The following ANK2 variants were observed in gnomAD, a reference collection of about 807,000 sequenced individuals.
ANK2 encodes the protein ankyrin-2.
Under a neutral mutation model 360.5 loss-of-function variants are expected in ANK2, and 83 were observed. That is an observed-to-expected ratio of 0.23 (90% CI 0.19 to 0.28). ANK2 has a LOEUF of 0.28. ANK2 is among the 10% of genes least tolerant of loss of function. The probability of loss-of-function intolerance (pLI) is 1.00; values close to 1 mark genes in which losing one functional copy is unlikely to be tolerated. For missense variants in ANK2, 4,201 were observed against 4,795.7 expected (o/e 0.88, Z 3.66); for synonymous variants, 1,740 against 1,759.5 (o/e 0.99, Z 0.28).
In ANK2 at chr4:113,311,295, G is replaced by A; in HGVS notation, c.2589G>A (p.Arg863=). The change falls in exon 24 of 46, where the codon AGG becomes AGA. Residue 863 remains arginine, a synonymous_variant. Transcript: ENST00000357077. Reference sequence around the variant, plus strand: ...CTGGTGATGGGGGAGAATACCTTAGGCCTGAGGACCTAAAAGAACTGGGTG... The same window carrying A: ...CTGGTGATGGGGGAGAATACCTTAGACCTGAGGACCTAAAAGAACTGGGTG... ...TMTGDGGEYL[R]PEDLKELGDD... is the part of the protein sequence containing the mutation. The A allele has an allele frequency of 1.2e-6, 2 of 1,614,124 alleles. No homozygotes were observed. Among genetic ancestry groups the A allele is most frequent in the East Asian group, 2.2e-5 (1 of 44,874 alleles).
At position 113,292,406 on chromosome 4, in the gene ANK2, T is replaced by C. The variant is rs2068205012; in HGVS notation, c.2278-10T>C. 6.2e-7 allele frequency: 1 copy of C among 1,607,276 alleles called. No homozygotes were observed. The highest frequency in any genetic ancestry group is 8.5e-7 in the Non-Finnish European group (1 of 1,176,690). On this transcript the variant is annotated splice_polypyrimidine_tract_variant and intron_variant, in intron 20 of 45. Transcript: ENST00000357077. ...TCGGGTGCTGGGCCCGCCACCACTG[T>C]CCTCCACAGAACGGCTACACGCCTT...
chr4:112,755,371 A>C, the ANK2 span, among the ~76,000 whole-genome samples: 1 of 152,254 alleles, frequency 6.6e-6, no homozygotes, highest in Non-Finnish European at 1.5e-5. Flanking sequence ...TGAAGAGACC[A>C]CCAAACAGGC....
At chr4:113,168,787 G>A (rs1425487306) in intron 1 of ANK2, among the ~76,000 whole-genome samples, 1 of 152,236 alleles carries the variant, frequency 6.6e-6, no homozygotes, top group Non-Finnish European at 1.5e-5. Context: ...CGACAAGACA[G>A]CAATAATAAT....
chr4:112,810,033 T>A, the ANK2 span, among the ~76,000 whole-genome samples: 1 of 150,992 alleles, frequency 6.6e-6, no homozygotes, highest in Non-Finnish European at 1.5e-5. Flanking sequence ...ATATTTACTT[T>A]ATTTTTTTAA....
intron 2 of ANK2, among the ~76,000 whole-genome samples, chr4:112,943,237 T>C (rs1396743875): frequency 6.6e-6 from 1 of 152,134 alleles, no homozygotes; most frequent in Non-Finnish European, 1.5e-5. Context: ...TAGATGCTAA[T>C]GTCTCAAATG....
intron 1 of ANK2, among the ~76,000 whole-genome samples, chr4:113,081,324 A>G (rs2082321487): frequency 6.6e-6 from 1 of 152,154 alleles, no homozygotes; most frequent in Non-Finnish European, 1.5e-5. Context: ...ATCATCATTA[A>G]TTTATTCTAA....
intron 2 of ANK2, among the ~76,000 whole-genome samples, chr4:112,997,018 C>G (rs1028597252): frequency 6.6e-6 from 1 of 152,002 alleles, no homozygotes; most frequent in African/African-American, 2.4e-5. Flanking sequence ...TATATCTTCA[C>G]CAGTTAAGAT....
chr4:113,318,645 C>T, intron 26 of ANK2, 25 bp downstream of exon 26: 1 of 1,563,382 alleles, frequency 6.4e-7, no homozygotes, highest in Non-Finnish European at 8.8e-7. Flanking sequence ...ATTATGTATC[C>T]TGATCAAGAG....
intron 1 of ANK2, among the ~76,000 whole-genome samples, chr4:113,137,615 C>T (rs1165314103): frequency 6.6e-6 from 1 of 152,104 alleles, no homozygotes; most frequent in East Asian, 1.9e-4. Flanking sequence ...CATTTTAAAT[C>T]ATATTTATAT....
chr4:113,035,325 A>G (rs1417183749), intron 2 of ANK2, among the ~76,000 whole-genome samples: 1 of 151,892 alleles, frequency 6.6e-6, no homozygotes, highest in East Asian at 1.9e-4. Flanking sequence ...AAAGAGAAAG[A>G]AAGTTTAATG....
At chr4:113,179,469 G>C (rs891712158) in intron 2 of ANK2, among the ~76,000 whole-genome samples, 4 of 152,102 alleles carry the variant, frequency 2.6e-5, no homozygotes, top group Non-Finnish European at 5.9e-5. Context: ...ATACTATTTT[G>C]CTTTTAATTA....
chr4:112,926,304 C>A (rs1174748548), intron 2 of ANK2, among the ~76,000 whole-genome samples: 1 of 152,162 alleles, frequency 6.6e-6, no homozygotes, highest in Non-Finnish European at 1.5e-5. Flanking sequence ...TGAAGAGCAG[C>A]TCAGAGTCTA....
intron 1 of ANK2, among the ~76,000 whole-genome samples, chr4:112,870,786 TTC>T (rs1225511631): frequency 1.3e-5 from 2 of 152,220 alleles, no homozygotes; most frequent in Admixed American, 1.3e-4. Context: ...TCCCTTACAA[TTC>T]TATGTAAATT....
rs141112411 is a variant in ANK2, at chr4:113,376,108, T to A, written c.11859+2659T>A. On this transcript the variant is annotated intron_variant, in intron 45 of 45. Coordinates refer to ENST00000357077, the MANE Select transcript of ANK2 (RefSeq NM_001148.6). ...ATATAAATAACTTCCACATGCCTAG[T>A]GTTCACTAGGCATAAGTGGGTTTTA... Among the ~76,000 whole-genome samples the A allele has an allele frequency of 1.2e-4, 18 of 152,326 alleles. No homozygotes were observed. In the East Asian group the frequency reaches 3.3e-3, roughly 28 times the overall value.
chr4:113,137,355 G>A (rs1246100853), intron 1 of ANK2, among the ~76,000 whole-genome samples: 1 of 152,158 alleles, frequency 6.6e-6, no homozygotes, highest in African/African-American at 2.4e-5. Flanking sequence ...TGCAGGACTG[G>A]ATGTATGGGA....
At chr4:113,227,373 C>T (rs1395365767) in intron 4 of ANK2, among the ~76,000 whole-genome samples, 1 of 152,116 alleles carries the variant, frequency 6.6e-6, no homozygotes. Flanking sequence ...TCTCCTAGCA[C>T]CCCAAGCCAA....
the ANK2 span, among the ~76,000 whole-genome samples, chr4:112,713,495 G>C: frequency 3.3e-5 from 5 of 152,092 alleles, no homozygotes; most frequent in African/African-American, 1.2e-4. Flanking sequence ...CTTGAACCCT[G>C]GAGGCGGAGG....
chr4:113,282,494 CT>C (rs1005268982), intron 17 of ANK2, among the ~76,000 whole-genome samples, 180 bp from the exon 18 acceptor site: 30 of 152,066 alleles, frequency 2.0e-4, no homozygotes, highest in African/African-American at 6.8e-4. Flanking sequence ...TGCCTTGTGA[CT>C]TTTATTGTAG....
At chr4:112,776,662 C>T in the ANK2 span, among the ~76,000 whole-genome samples, 2 of 152,192 alleles carry the variant, frequency 1.3e-5, no homozygotes, top group Non-Finnish European at 2.9e-5. Flanking sequence ...TTCCACTACT[C>T]TTCAATACTT....
Sources: allele counts gnomAD v4.1 joint callset (sites outside exome capture counted in the v4.1 genomes callset), GRCh38; gene constraint gnomAD v4.1.1; transcripts MANE v1.5; gene names NCBI Gene and HGNC (gene_info 2026-07-23, HGNC 2026-07-21).